MGAT5B: variants seen among roughly 807,000 people sequenced by gnomAD.
MGAT5B encodes alpha-1,6-mannosylglycoprotein 6-beta-N-acetylglucosaminyltransferase B.
In MGAT5B, 54 loss-of-function variants were observed where a neutral mutation model predicts 95.1. The observed-to-expected ratio is 0.57, with a 90% CI of 0.46 to 0.71. The LOEUF is 0.71. Among genes scored for constraint, MGAT5B ranks in the 30% least tolerant of loss-of-function variants. MGAT5B has a pLI of 0.00. For missense variants in MGAT5B, 935 were observed against 1,088.6 expected, an observed-to-expected ratio of 0.86 and a Z score of 1.99; for synonymous variants, 464 against 451.0, an observed-to-expected ratio of 1.03 and a Z score of -0.36.
At chr17:76,943,442 C>T (rs1036043636) in intron 15 of MGAT5B, among the ~76,000 whole-genome samples, 3 of 152,030 alleles carry the variant, frequency 2.0e-5, no homozygotes, top group Non-Finnish European at 4.4e-5. Flanking sequence ...CCAAGAGTCA[C>T]CCGGGGGGAG....
rs2145195839 is a variant in MGAT5B, at chr17:76,906,254, T to A, written c.1025+67T>A. ...AGGGGATGAAGGGGAACCCCACCCC[T>A]CCCTCCCAGGGGCTGTGGGAGCACC... On this transcript the variant is annotated intron_variant, in intron 8 of 17. Coordinates refer to ENST00000569840, the MANE Select transcript of MGAT5B (RefSeq NM_001199172.2). The surrounding 1 kb of genome is among the most constrained non-coding windows in gnomAD (Gnocchi z 4.6). 1 of 1,468,786 alleles carries A rather than the reference T, an allele frequency of 6.8e-7. No homozygotes were observed. Among genetic ancestry groups the A allele is most frequent in the Non-Finnish European group, 9.1e-7 (1 of 1,102,788 alleles). 91.0% of individuals were successfully genotyped at this position (1,468,786 alleles called of 1,614,324 possible). A position where few individuals can be genotyped will look rare whatever the true frequency, so the allele number is the denominator to read the frequency against.
chr17:76,873,685 C>T (rs1020308745), intron 2 of MGAT5B, among the ~76,000 whole-genome samples: 5 of 152,222 alleles, frequency 3.3e-5, no homozygotes, highest in African/African-American at 1.2e-4. Context: ...GGCCCAGCCC[C>T]ACCTCATCTC....
rs146563704 is a variant in MGAT5B at position 76,915,578 on chromosome 17, C to T, written c.1026-9388C>T. Among the ~76,000 whole-genome samples, 496 of 152,174 alleles carry T rather than the reference C, an allele frequency of 3.3e-3. 3 individuals carry two copies. Among genetic ancestry groups the T allele is most frequent in the African/African-American group, 1.0e-2 (414 of 41,522 alleles). On this transcript the variant is annotated intron_variant, in intron 8 of 17. Transcript: ENST00000569840. The surrounding 1 kb of genome is among the most constrained non-coding windows in gnomAD (Gnocchi z 8.7). ...AGGCTTGATGAGGCTGGGAAGTGGG[C>T]GCATTGGAGCATTATATGATTTTCT...
Position 76,932,763 on chromosome 17 carries a change from G to C in MGAT5B, c.1410G>C (p.Ala470=). 6.2e-7 allele frequency: 1 copy of C among 1,613,592 alleles called. No homozygotes were observed. The highest frequency in any genetic ancestry group is 8.5e-7 in the Non-Finnish European group (1 of 1,179,830). ...TGGCCGTGGTGTACGGCAAGGAGGC[G>C]AGCATCTGGAAGGTGAGCGCGGCCC... The part of the protein sequence containing the change: ...SNMAVVYGKE[A]SIWKLQGKEK... The change falls in exon 11 of 18, where the codon GCG becomes GCC. Residue 470 remains alanine (A), a synonymous_variant. Coordinates refer to ENST00000569840, the MANE Select transcript of MGAT5B (RefSeq NM_001199172.2).
intron 2 of MGAT5B, among the ~76,000 whole-genome samples, chr17:76,878,997 G>A (rs1033946941): frequency 3.3e-5 from 5 of 152,140 alleles, no homozygotes; most frequent in African/African-American, 1.2e-4. Context: ...CCAGGCTTCT[G>A]CCCCATCCCC....
At chr17:76,943,065 G>A (rs2145283045) in intron 15 of MGAT5B, among the ~76,000 whole-genome samples, 1 of 152,254 alleles carries the variant, frequency 6.6e-6, no homozygotes, top group East Asian at 1.9e-4. Flanking sequence ...AGCGGGGTCG[G>A]GGGAGGGCTG....
intron 15 of MGAT5B, among the ~76,000 whole-genome samples, chr17:76,942,789 GCTC>G (rs1969902729): frequency 6.6e-6 from 1 of 152,134 alleles, no homozygotes; most frequent in Admixed American, 6.5e-5. Flanking sequence ...AGGCAAGGGG[GCTC>G]CTGTCACCCC....
Position 76,926,446 on chromosome 17 carries a change from G to A in MGAT5B, c.1158-151G>A, listed in dbSNP as rs180938491. 6 of 726,986 alleles carry A rather than the reference G, an allele frequency of 8.3e-6. No individual in the cohort carries two copies. The African/African-American group carries it at 8.7e-5, about 11-fold the overall frequency. The allele number at this position is 726,986 out of a possible 1,614,324, so 45.0% of individuals were successfully genotyped here. A position where few individuals can be genotyped will look rare whatever the true frequency, so the allele number is the denominator to read the frequency against. ...GAAGACACTCACCTGTGGTCACACA[G>A]CAGGGCAGTGTCCTAGTCCAAGTGC... On this transcript the variant is annotated intron_variant, in intron 9 of 17. Transcript: ENST00000569840.
At chr17:76,944,436 C>T (rs969535856) in intron 15 of MGAT5B, among the ~76,000 whole-genome samples, 7 of 152,142 alleles carry the variant, frequency 4.6e-5, no homozygotes, top group South Asian at 4.1e-4. Flanking sequence ...GCCTTGTCCC[C>T]GCAAGACCCC....
intron 10 of MGAT5B, among the ~76,000 whole-genome samples, chr17:76,931,662 C>T (rs1255956636): frequency 2.0e-5 from 3 of 151,956 alleles, no homozygotes; most frequent in Non-Finnish European, 4.4e-5. Context: ...GGGTTTTGTG[C>T]GGAGGAGGAA....
Position 76,918,762 on chromosome 17 carries a change from G to T in MGAT5B, c.1026-6204G>T, listed in dbSNP as rs1448296877. Among the ~76,000 whole-genome samples, 1 of 152,162 alleles carries T rather than the reference G, an allele frequency of 6.6e-6. No individual in the cohort carries two copies. The highest frequency in any genetic ancestry group is 1.5e-5 in the Non-Finnish European group (1 of 68,014). ...CTGGGGAGACAGAACGTCCCAGGCTGCCCCAGCTGTGTGTTCCCCTTGAGA... is the reference window on the plus strand; with the variant it reads ...CTGGGGAGACAGAACGTCCCAGGCTTCCCCAGCTGTGTGTTCCCCTTGAGA... On this transcript the variant is annotated intron_variant, in intron 8 of 17. Coordinates refer to ENST00000569840, the MANE Select transcript of MGAT5B (RefSeq NM_001199172.2). The surrounding 1 kb of genome is among the most constrained non-coding windows in gnomAD (Gnocchi z 5.1).
intron 3 of MGAT5B, among the ~76,000 whole-genome samples, chr17:76,899,577 C>G (rs975311555): frequency 1.5e-4 from 23 of 152,140 alleles, no homozygotes; most frequent in African/African-American, 5.6e-4. Flanking sequence ...GTTGAGACTG[C>G]AGTGAGCCAT....
intron 8 of MGAT5B, among the ~76,000 whole-genome samples, chr17:76,908,350 C>T (rs574633810): frequency 3.3e-5 from 5 of 149,380 alleles, no homozygotes; most frequent in Admixed American, 6.7e-5. Flanking sequence ...TCATGGCTCA[C>T]AGCAGCCTTC....
At chr17:76,945,456 A>AT (rs1220975566) in intron 15 of MGAT5B, among the ~76,000 whole-genome samples, 25 of 151,760 alleles carry the variant, frequency 1.6e-4, no homozygotes, top group Non-Finnish European at 1.0e-4. Context: ...CGCCTAGCTA[A>AT]TTTTTTTTGT....
chr17:76,874,927 G>A (rs150777404), intron 2 of MGAT5B, among the ~76,000 whole-genome samples: 1 of 152,256 alleles, frequency 6.6e-6, no homozygotes, highest in East Asian at 1.9e-4. Flanking sequence ...AGGTGTGTGT[G>A]CATTCGTGTG....
chr17:76,882,266 G>C lies in MGAT5B; in HGVS notation c.297G>C (p.Arg99=), dbSNP rs2145135096. ...TGGAGAACAGCAGTGAGCTGCACCGGGCCGGCGGCGACCTGCACTTTCCCG... is the reference window on the plus strand; with the variant it reads ...TGGAGAACAGCAGTGAGCTGCACCGCGCCGGCGGCGACCTGCACTTTCCCG... ...ARLENSSELH[R]AGGDLHFPAD... is the part of the protein sequence containing the mutation. The change falls in exon 3 of 18, where the codon CGG becomes CGC. Residue 99 remains arginine (R), a synonymous_variant. Transcript: ENST00000569840. 1 of 1,613,052 alleles carries C rather than the reference G, an allele frequency of 6.2e-7. No individual in the cohort carries two copies. The highest frequency in any genetic ancestry group is 8.5e-7 in the Non-Finnish European group (1 of 1,179,746).
At chr17:76,932,853 C>G in intron 11 of MGAT5B, 78 bp downstream of exon 11, 1 of 1,548,958 alleles carries the variant, frequency 6.5e-7, no homozygotes, top group Non-Finnish European at 8.7e-7. Flanking sequence ...TCTCCTCCTT[C>G]CAGGATGCGG....
chr17:76,873,062 C>T lies in MGAT5B; in HGVS notation c.181+99C>T, dbSNP rs920202803. Reference sequence around the variant, plus strand: ...CTAGCCCTGTACCTGGCTTTCTGGCCGCCCTGTAGGTGGATGTGAGTGGAG... The same window carrying T: ...CTAGCCCTGTACCTGGCTTTCTGGCTGCCCTGTAGGTGGATGTGAGTGGAG... On this transcript the variant is annotated intron_variant, in intron 2 of 17. Transcript: ENST00000569840. 58 of 1,358,604 alleles carry T rather than the reference C, an allele frequency of 4.3e-5. No homozygotes were observed. In the Admixed American group the frequency reaches 6.0e-4, roughly 14 times the overall value. The allele number at this position is 1,358,604 out of a possible 1,614,324, so 84.2% of individuals were successfully genotyped here.
intron 15 of MGAT5B, among the ~76,000 whole-genome samples, chr17:76,943,089 G>A (rs8065521): frequency 0.26 from 38,863 of 151,890 alleles, 5,066 homozygotes; most frequent in East Asian, 0.37. Flanking sequence ...GCATGAAGGT[G>A]CTGCGATAGT....
Sources: gnomAD v4.1 joint callset for allele counts (sites outside exome capture counted in the v4.1 genomes callset) on GRCh38, gnomAD v4.1.1 for gene constraint, Gnocchi (gnomAD v3.1) non-coding constraint, MANE v1.5 for transcripts, NCBI Gene and HGNC (gene_info 2026-07-23, HGNC 2026-07-21) for gene names.